SCPEP1: variants seen among roughly 807,000 people sequenced by gnomAD.
The protein encoded by SCPEP1 is retinoid-inducible serine carboxypeptidase.
A neutral mutation model predicts 63.8 loss-of-function variants in SCPEP1; 51 were observed. That is an observed-to-expected ratio of 0.80 (90% confidence interval 0.64 to 1.01). SCPEP1 has a LOEUF of 1.01. Among genes scored for constraint, SCPEP1 ranks in the 50% least tolerant of loss-of-function variants. SCPEP1 has a pLI of 0.00. For missense variants in SCPEP1, 499 were observed against 554.9 expected (o/e 0.90, Z 1.01); for synonymous variants, 204 against 207.8 (o/e 0.98, Z 0.16).
chr17:56,985,522 T>G, intron 3 of SCPEP1, 55 bp downstream of exon 3: 4 of 1,316,168 alleles, frequency 3.0e-6, no homozygotes, highest in Non-Finnish European at 3.3e-6. Flanking sequence ...TCAGAGGCCC[T>G]GCCCAACTCT....
intron 12 of SCPEP1, among the ~76,000 whole-genome samples, chr17:57,002,973 C>T (rs1024524427): frequency 5.9e-5 from 9 of 151,988 alleles, no homozygotes; most frequent in African/African-American, 1.5e-4. Flanking sequence ...CTAGAGACTG[C>T]GAGCACAAGG....
chr17:56,995,055 GC>G, intron 7 of SCPEP1, 37 bp downstream of exon 7: 1 of 1,580,866 alleles, frequency 6.3e-7, no homozygotes, highest in Non-Finnish European at 8.7e-7. Context: ...TGGGCAAACA[GC>G]CCAGCAGATC....
At chr17:56,979,443 C>G (rs962392293) in intron 1 of SCPEP1, among the ~76,000 whole-genome samples, 1 of 151,930 alleles carries the variant, frequency 6.6e-6, no homozygotes, top group Admixed American at 6.6e-5. Flanking sequence ...GGGATCCCCC[C>G]CATCATCTTT....
In SCPEP1 at chr17:56,985,390, G is replaced by T; in HGVS notation, c.238G>T (p.Gly80Cys). 2.5e-6 allele frequency: 4 copies of T among 1,614,090 alleles called. No individual in the cohort carries two copies. Among genetic ancestry groups the T allele is most frequent in the Non-Finnish European group, 3.4e-6 (4 of 1,179,960 alleles). Residue 80 changes from glycine to cysteine, a missense_variant, in exon 3 of 13, where the codon GGT becomes TGT. By Grantham distance (159) the Gly-to-Cys change is radical. Transcript: ENST00000262288. ...CTCTCTTCCATAGGGCGGTCCAGGC[G>T]GTTCTAGCACTGGATTTGGAAACTT... The part of the protein sequence containing the change: ...LVMWLQGGPG[G>C]SSTGFGNFEE...
At chr17:56,996,905 G>C in intron 8 of SCPEP1, 57 bp from the exon 9 acceptor site, 1 of 1,161,594 alleles carries the variant, frequency 8.6e-7, no homozygotes. Context: ...CCTTCTGTTT[G>C]GCAGCTTTGA....
chr17:56,987,239 A>G (rs768518237), intron 3 of SCPEP1: 1 of 153,290 alleles, frequency 6.5e-6, no homozygotes. Flanking sequence ...CTGCTCTTGC[A>G]GTGTACAGAG....
intron 10 of SCPEP1, among the ~76,000 whole-genome samples, 172 bp from the exon 11 acceptor site, chr17:57,000,683 C>T (rs1242366759): frequency 6.6e-6 from 1 of 152,174 alleles, no homozygotes; most frequent in African/African-American, 2.4e-5. Context: ...TTTATGTGTG[C>T]CTTACACCTG....
chr17:56,978,381 T>TA, intron 1 of SCPEP1, 146 bp downstream of exon 1: 1 of 58,974 alleles, frequency 1.7e-5, no homozygotes, highest in Middle Eastern at 6.7e-3. Flanking sequence ...AATCTCACTC[T>TA]TTTTTTTTTT....
At chr17:56,981,931 C>G (rs1468490510) in intron 2 of SCPEP1, among the ~76,000 whole-genome samples, 1 of 152,306 alleles carries the variant, frequency 6.6e-6, no homozygotes, top group South Asian at 2.1e-4. Context: ...TAACTTCTTA[C>G]CCCCAGAAAA....
At chr17:57,001,045 A>G in intron 11 of SCPEP1, 53 bp downstream of exon 11, 7 of 1,596,142 alleles carry the variant, frequency 4.4e-6, no homozygotes, top group Non-Finnish European at 6.0e-6. Flanking sequence ...GTTCAACTGG[A>G]AGGGAACTGG....
At chr17:57,004,088 A>C (rs1213615625) in intron 12 of SCPEP1, among the ~76,000 whole-genome samples, 1 of 152,178 alleles carries the variant, frequency 6.6e-6, no homozygotes, top group African/African-American at 2.4e-5. Flanking sequence ...AATCCCAGCT[A>C]CTCAGGAGGC....
At chr17:57,002,862 G>A (rs573930667) in intron 12 of SCPEP1, among the ~76,000 whole-genome samples, 11 of 139,694 alleles carry the variant, frequency 7.9e-5, no homozygotes, top group Admixed American at 6.1e-4. Flanking sequence ...GTGACAGAGC[G>A]AGACCCTGTC....
intron 1 of SCPEP1, 145 bp downstream of exon 1, chr17:56,978,380 CT>C (rs71139945): frequency 0.45 from 348,969 of 767,006 alleles, 30,493 homozygotes; most frequent in East Asian, 0.56. Flanking sequence ...GAATCTCACT[CT>C]TTTTTTTTTT....
intron 9 of SCPEP1, 108 bp downstream of exon 9, chr17:56,997,163 T>C (rs1911594324): frequency 1.6e-6 from 1 of 637,958 alleles, no homozygotes; most frequent in Non-Finnish European, 2.6e-6. Context: ...TTGCATACCA[T>C]AAAATTAACT....
In SCPEP1 at chr17:56,987,865, A is replaced by T. The variant is rs776411233; in HGVS notation, c.471+15A>T. ...AAGAATTCCAGGTAAGCAAAGACTC[A>T]GGAACAGCTAAGTAAAGGGCTGGCA... On this transcript the variant is annotated intron_variant, in intron 4 of 12. Coordinates refer to ENST00000262288, the MANE Select transcript of SCPEP1 (RefSeq NM_021626.3). 1.9e-6 allele frequency: 3 copies of T among 1,613,596 alleles called. No individual in the cohort carries two copies. Among genetic ancestry groups the T allele is most frequent in the Non-Finnish European group, 2.5e-6 (3 of 1,179,714 alleles).
intron 12 of SCPEP1, among the ~76,000 whole-genome samples, chr17:57,004,814 G>A (rs1395687222): frequency 2.6e-5 from 4 of 152,220 alleles, no homozygotes; most frequent in Non-Finnish European, 5.9e-5. Context: ...ATCTGTGGTT[G>A]TTAGGCATCA....
intron 5 of SCPEP1, among the ~76,000 whole-genome samples, chr17:56,989,650 A>T (rs961444120): frequency 6.6e-6 from 1 of 152,226 alleles, no homozygotes; most frequent in Non-Finnish European, 1.5e-5. Context: ...TGCAGCCAGC[A>T]TAAAGAATGG....
Position 56,986,793 on chromosome 17 carries a change from C to T in SCPEP1, c.316-902C>T, listed in dbSNP as rs562486957. On this transcript the variant is annotated intron_variant, in intron 3 of 12. Transcript: ENST00000262288. ...ATCTCCTGACCTCGTGATCCTCCCA[C>T]CTCAGCCTCCCAAAGTGCTGGGATT... 5.2e-4 allele frequency among the ~76,000 whole-genome samples: 79 copies of T among 152,264 alleles called. 1 individual carries two copies. The highest frequency in any genetic ancestry group is 1.7e-3 in the African/African-American group (72 of 41,556).
At chr17:56,982,678 C>T (rs1911103739) in intron 2 of SCPEP1, 1 of 152,128 alleles carries the variant, frequency 6.6e-6, no homozygotes, top group Non-Finnish European at 1.5e-5. Context: ...TCCTCTGGGC[C>T]TTGGCTGTCT....
Sources: allele counts gnomAD v4.1 joint callset (sites outside exome capture counted in the v4.1 genomes callset), GRCh38; gene constraint gnomAD v4.1.1; transcripts MANE v1.5; gene names NCBI Gene and HGNC (gene_info 2026-07-23, HGNC 2026-07-21).